The following CDCA2 variants were observed in gnomAD, a reference collection of about 807,000 sequenced individuals.
CDCA2 encodes cell division cycle-associated protein 2.
A neutral mutation model predicts 67.0 loss-of-function variants in CDCA2; 44 were observed. The observed-to-expected ratio is 0.66, with a 90% CI of 0.52 to 0.84. CDCA2 has a LOEUF of 0.84. CDCA2 is among the 40% of genes least tolerant of loss of function. CDCA2 has a pLI of 0.00. For synonymous variants in CDCA2, 447 were observed against 418.7 expected, an observed-to-expected ratio of 1.07 and a Z score of -0.82; for missense variants, 1,253 against 1,203.2, an observed-to-expected ratio of 1.04 and a Z score of -0.61.
intron 12 of CDCA2, 77 bp downstream of exon 12, chr8:25,487,411 T>C (rs1586505215): frequency 2.2e-6 from 2 of 914,688 alleles, no homozygotes; most frequent in Non-Finnish European, 3.5e-6. Flanking sequence ...GGCCAAATGA[T>C]AATGGGTGAA....
rs563497480 is a variant in CDCA2 at position 25,480,237 on chromosome 8, G to C, written c.1032+113G>C. ...TAGTTTAAAAGGAAATGTCTTACTC[G>C]TCTTACCGTAAATTTTTTTCCTCAT... On this transcript the variant is annotated intron_variant, in intron 8 of 14. Coordinates refer to ENST00000330560, the MANE Select transcript of CDCA2 (RefSeq NM_152562.4). The C allele has an allele frequency of 4.3e-5, 38 of 887,986 alleles. 1 individual carries two copies. In the South Asian group the frequency reaches 7.1e-4, roughly 17 times the overall value. The allele number at this position is 887,986 out of a possible 1,614,324, so 55.0% of individuals were successfully genotyped here. A position where few individuals can be genotyped will look rare whatever the true frequency, so the allele number is the denominator to read the frequency against.
chr8:25,490,887 C>T (rs1376569893), intron 13 of CDCA2, among the ~76,000 whole-genome samples: 1 of 152,084 alleles, frequency 6.6e-6, no homozygotes, highest in Admixed American at 6.5e-5. Context: ...ACCTATATAC[C>T]AACTTACCCA....
chr8:25,481,100 G>A (rs1803549871), intron 8 of CDCA2, among the ~76,000 whole-genome samples: 1 of 152,016 alleles, frequency 6.6e-6, no homozygotes, highest in Admixed American at 6.6e-5. Flanking sequence ...ATTGCTATTT[G>A]TAAAGCTTTA....
At chr8:25,471,691 G>A (rs1469286282) in intron 7 of CDCA2, among the ~76,000 whole-genome samples, 1 of 152,058 alleles carries the variant, frequency 6.6e-6, no homozygotes, top group African/African-American at 2.4e-5. Context: ...TTGCTCTTAT[G>A]GGACTTTGCG....
chr8:25,492,279 G>T (rs1328420067), intron 13 of CDCA2, among the ~76,000 whole-genome samples: 5 of 148,882 alleles, frequency 3.4e-5, no homozygotes, highest in African/African-American at 1.3e-4. Context: ...GGATGCTACT[G>T]GAGGAGGAAC....
intron 13 of CDCA2, among the ~76,000 whole-genome samples, chr8:25,494,189 G>A (rs998586839): frequency 1.3e-5 from 2 of 152,188 alleles, no homozygotes; most frequent in African/African-American, 4.8e-5. Context: ...GCTGGGTGAG[G>A]TGGCTCACAC....
chr8:25,498,627 C>A (rs568674525), intron 13 of CDCA2, among the ~76,000 whole-genome samples: 3 of 152,034 alleles, frequency 2.0e-5, no homozygotes, highest in Admixed American at 1.3e-4. Context: ...TGACATCTTG[C>A]GAAACCATAG....
At position 25,460,587 on chromosome 8, in the gene CDCA2, T is replaced by C. The variant is rs759395005; in HGVS notation, c.232+33T>C. On this transcript the variant is annotated intron_variant, in intron 3 of 14. Coordinates refer to ENST00000330560, the MANE Select transcript of CDCA2 (RefSeq NM_152562.4). ...AAGTTGTCATTCTGTTGTAATGCTT[T>C]TCAAGTTTAAAAATAACTTTAATAT... is the stretch of plus-strand genomic sequence containing the variant. 3.2e-6 allele frequency: 5 copies of C among 1,580,634 alleles called. No homozygotes were observed. The African/African-American group carries it at 6.8e-5, about 22-fold the overall frequency.
At chr8:25,478,787 T>C (rs1226207766) in intron 7 of CDCA2, among the ~76,000 whole-genome samples, 3 of 151,950 alleles carry the variant, frequency 2.0e-5, no homozygotes, top group Non-Finnish European at 4.4e-5. Context: ...ACTCTCTGTT[T>C]ACCCAAAGCA....
intron 7 of CDCA2, among the ~76,000 whole-genome samples, chr8:25,478,076 A>G (rs1000511023): frequency 6.6e-6 from 1 of 151,522 alleles, no homozygotes; most frequent in African/African-American, 2.4e-5. Flanking sequence ...ACAGGTGCTC[A>G]CTACCATGCC....
intron 4 of CDCA2, among the ~76,000 whole-genome samples, chr8:25,465,793 G>A (rs1005080906): frequency 1.3e-5 from 2 of 152,104 alleles, no homozygotes; most frequent in Non-Finnish European, 2.9e-5. Context: ...GACTGAAGGA[G>A]GTATGCTGAG....
chr8:25,463,775 C>A (rs1802794131), intron 4 of CDCA2, among the ~76,000 whole-genome samples: 1 of 152,122 alleles, frequency 6.6e-6, no homozygotes, highest in African/African-American at 2.4e-5. Context: ...TTCCTGCGAT[C>A]CCTTGAATTA....
chr8:25,464,255 A>C (rs1487469647), intron 4 of CDCA2, among the ~76,000 whole-genome samples: 1 of 152,116 alleles, frequency 6.6e-6, no homozygotes, highest in African/African-American at 2.4e-5. Context: ...CTCTACAGAA[A>C]AATTTTAAAA....
chr8:25,507,301 C>T lies in CDCA2; in HGVS notation c.2635C>T (p.Gln879Ter). The T allele has an allele frequency of 2.5e-6, 4 of 1,614,112 alleles. No homozygotes were observed. Among genetic ancestry groups the T allele is most frequent in the Non-Finnish European group, 3.4e-6 (4 of 1,180,024 alleles). Residue 879 changes from glutamine to a stop codon, truncating the protein, a stop_gained, in exon 15 of 15, where the codon CAA becomes TAA. Transcript: ENST00000330560. LOFTEE classifies it low-confidence loss of function (END_TRUNC). ...TAAAGATTTGTCTGATGCCATTGAG[C>T]AAACCTTTCAGAGGAGAAATAGTGA... ...LFKDLSDAIE[Q>*]TFQRRNSETK...
Position 25,469,878 on chromosome 8 carries a change from T to C in CDCA2, c.736-18T>C, listed in dbSNP as rs1459674684. On this transcript the variant is annotated intron_variant, in intron 6 of 14. Coordinates refer to ENST00000330560, the MANE Select transcript of CDCA2 (RefSeq NM_152562.4). Reference sequence around the variant, plus strand: ...CTCTAATTAATAAAATGTAATACTCTTTCAATTTTTCCCCAAGATATCATC... The same window carrying C: ...CTCTAATTAATAAAATGTAATACTCCTTCAATTTTTCCCCAAGATATCATC... The C allele has an allele frequency of 6.5e-7, 1 of 1,550,098 alleles. No homozygotes were observed. The highest frequency in any genetic ancestry group is 1.7e-4 in the Middle Eastern group (1 of 5,918).
At chr8:25,496,187 C>A (rs750136507) in intron 13 of CDCA2, among the ~76,000 whole-genome samples, 1 of 152,166 alleles carries the variant, frequency 6.6e-6, no homozygotes, top group Non-Finnish European at 1.5e-5. Flanking sequence ...AGACACAAAT[C>A]CATCTTCAAG....
intron 13 of CDCA2, among the ~76,000 whole-genome samples, chr8:25,503,167 C>T (rs1804539475): frequency 1.3e-5 from 2 of 152,052 alleles, no homozygotes; most frequent in African/African-American, 4.8e-5. Context: ...ACCTGTGGTC[C>T]CAGCTACTTG....
At chr8:25,467,179 G>T (rs796274278) in intron 5 of CDCA2, among the ~76,000 whole-genome samples, 7 of 147,760 alleles carry the variant, frequency 4.7e-5, no homozygotes, top group African/African-American at 1.7e-4. Context: ...CCCCAATCAC[G>T]AAGCATTTCA....
chr8:25,462,198 C>G lies in CDCA2; in HGVS notation c.377C>G (p.Ser126Cys). 1 of 1,614,054 alleles carries G rather than the reference C, an allele frequency of 6.2e-7. No homozygotes were observed. The highest frequency in any genetic ancestry group is 1.1e-5 in the South Asian group (1 of 91,080). Residue 126 changes from serine (S) to cysteine (C), a missense_variant, in exon 4 of 15, where the codon TCT becomes TGT. Ser to Cys is a moderately radical substitution (Grantham distance 112). Coordinates refer to ENST00000330560, the MANE Select transcript of CDCA2 (RefSeq NM_152562.4). ...AGGAAATCTCCTTTGGCACAAGATT[C>G]TCCTTCCCAGGTATGATTTTCTTCT... The part of the protein sequence containing the change: ...NARKSPLAQD[S>C]PSQGSPALYR...
Sources: allele counts gnomAD v4.1 joint callset (sites outside exome capture counted in the v4.1 genomes callset), GRCh38; gene constraint gnomAD v4.1.1; transcripts MANE v1.5; gene names NCBI Gene and HGNC (gene_info 2026-07-23, HGNC 2026-07-21).